ARHGAP24: variants seen among roughly 807,000 people sequenced by gnomAD.
The protein encoded by ARHGAP24 is rho GTPase-activating protein 24.
ARHGAP24 carries 50 observed loss-of-function variants against 76.4 expected under a neutral mutation model. That is an observed-to-expected ratio of 0.65 (90% CI 0.52 to 0.83). The LOEUF is 0.83. Ranked by LOEUF, ARHGAP24 falls within the 40% of genes least tolerant of loss-of-function variation. The probability of loss-of-function intolerance (pLI) is 0.00; values close to 1 mark genes in which losing one functional copy is unlikely to be tolerated. For missense variants in ARHGAP24, 930 were observed against 914.2 expected, an observed-to-expected ratio of 1.02 and a Z score of -0.22; for synonymous variants, 345 against 323.3, an observed-to-expected ratio of 1.07 and a Z score of -0.72.
chr4:85,823,453 G>A (rs745891), intron 3 of ARHGAP24, among the ~76,000 whole-genome samples: 15,916 of 152,116 alleles, frequency 0.1, 937 homozygotes, highest in South Asian at 0.19. Context: ...GCTTTTGAAG[G>A]CTTTTCCCTC....
intron 2 of ARHGAP24, among the ~76,000 whole-genome samples, chr4:85,666,730 G>A (rs1243038931): frequency 3.3e-5 from 5 of 152,162 alleles, no homozygotes; most frequent in Admixed American, 6.5e-5. Context: ...ACCCTCAGCT[G>A]CAGGTCTGTT....
chr4:85,521,657 A>C (rs1724760156), intron 1 of ARHGAP24, among the ~76,000 whole-genome samples: 1 of 152,120 alleles, frequency 6.6e-6, no homozygotes, highest in East Asian at 1.9e-4. Context: ...GCATCTCTAC[A>C]TACTGCTGAT....
rs560758073 is a variant in ARHGAP24, at chr4:85,672,954, T to C, written c.181-48931T>C. ...ACAATACATTGAATATATGCAACTC[T>C]TTCTCTGAGGGTGCTGGATTTCTTG... is the stretch of plus-strand genomic sequence containing the variant. On this transcript the variant is annotated intron_variant, in intron 2 of 9. Coordinates refer to ENST00000395184, the MANE Select transcript of ARHGAP24 (RefSeq NM_001025616.3). Among the ~76,000 whole-genome samples, 5 of 152,302 alleles carry C rather than the reference T, an allele frequency of 3.3e-5. No homozygotes were observed. The South Asian group carries it at 1.0e-3, about 32-fold the overall frequency.
At chr4:85,635,373 G>C (rs1361785134) in intron 2 of ARHGAP24, among the ~76,000 whole-genome samples, 1 of 151,762 alleles carries the variant, frequency 6.6e-6, no homozygotes, top group Admixed American at 6.6e-5. Flanking sequence ...CAAAGGTGTT[G>C]ATTGTTTTTT....
chr4:85,570,697 A>C lies in ARHGAP24; in HGVS notation c.156A>C (p.Lys52Asn). The C allele has an allele frequency of 6.2e-7, 1 of 1,614,102 alleles. No individual in the cohort carries two copies. Among genetic ancestry groups the C allele is most frequent in the Non-Finnish European group, 8.5e-7 (1 of 1,180,006 alleles). ...VLKGDQLYYF[K>N]DEDETKPLGT... The stretch of plus-strand genomic sequence containing the variant: ...AGGGGGATCAGCTCTATTATTTCAA[A>C]GATGAAGATGAAACCAAGCCCTTGG... The change falls in exon 2 of 10, where the codon AAA becomes AAC. Residue 52 changes from lysine (K) to asparagine (N), a missense_variant. Coordinates refer to ENST00000395184, the MANE Select transcript of ARHGAP24 (RefSeq NM_001025616.3).
chr4:85,545,898 G>C (rs6829628), intron 1 of ARHGAP24, among the ~76,000 whole-genome samples: 17,798 of 151,882 alleles, frequency 0.12, 2,912 homozygotes, highest in African/African-American at 0.37. Flanking sequence ...TGAATGTCTG[G>C]GGCTATTCTA....
intron 1 of ARHGAP24, among the ~76,000 whole-genome samples, chr4:85,486,175 A>C (rs1450127235): frequency 6.6e-6 from 1 of 152,190 alleles, no homozygotes; most frequent in African/African-American, 2.4e-5. Context: ...TAGTGTGACC[A>C]TTCCTTGACA....
At chr4:85,835,657 G>A (rs1234455139) in intron 3 of ARHGAP24, among the ~76,000 whole-genome samples, 2 of 151,942 alleles carry the variant, frequency 1.3e-5, no homozygotes, top group East Asian at 3.9e-4. Context: ...GATGTGAAGC[G>A]ATAGAATGTG....
intron 2 of ARHGAP24, among the ~76,000 whole-genome samples, chr4:85,631,678 T>G (rs2110013009): frequency 6.6e-6 from 1 of 152,260 alleles, no homozygotes; most frequent in Admixed American, 6.5e-5. Context: ...ATTACTCAAT[T>G]TACTTTTTCA....
chr4:85,622,325 C>A (rs1047053257), intron 2 of ARHGAP24, among the ~76,000 whole-genome samples: 4 of 145,784 alleles, frequency 2.7e-5, no homozygotes, highest in Non-Finnish European at 6.0e-5. Context: ...CAGTTCCCAC[C>A]TATGAGTGAG....
chr4:85,483,880 C>G (rs1010376129), intron 1 of ARHGAP24, among the ~76,000 whole-genome samples: 2 of 152,174 alleles, frequency 1.3e-5, no homozygotes, highest in African/African-American at 4.8e-5. Context: ...CAGCCACTGC[C>G]TTTAACAAGG....
rs567956666 is a variant in ARHGAP24 at position 85,811,548 on chromosome 4, T to C, written c.268+89576T>C. On this transcript the variant is annotated intron_variant, in intron 3 of 9. Coordinates refer to ENST00000395184, the MANE Select transcript of ARHGAP24 (RefSeq NM_001025616.3). ...TTCTATGACACAATTTCTAAGTAGG[T>C]TTCACCCTAAAGTTTTATTTTTTAT... Among the ~76,000 whole-genome samples, 4 of 152,320 alleles carry C rather than the reference T, an allele frequency of 2.6e-5. No individual in the cohort carries two copies. The South Asian group carries it at 8.3e-4, about 32-fold the overall frequency.
chr4:85,671,703 C>T (rs1291255920), intron 2 of ARHGAP24, among the ~76,000 whole-genome samples: 1 of 152,116 alleles, frequency 6.6e-6, no homozygotes, highest in Admixed American at 6.5e-5. Flanking sequence ...TGATTCAGAG[C>T]AGAGCTTTCT....
chr4:85,734,202 C>T (rs11937419), intron 3 of ARHGAP24, among the ~76,000 whole-genome samples: 60,861 of 151,982 alleles, frequency 0.4, 13,575 homozygotes, highest in East Asian at 0.91. Context: ...AGGGGAAGAA[C>T]AAATATTGTA....
intron 5 of ARHGAP24, among the ~76,000 whole-genome samples, chr4:85,956,635 C>T (rs1737916119): frequency 1.3e-5 from 2 of 152,154 alleles, no homozygotes; most frequent in South Asian, 2.1e-4. Flanking sequence ...GGAAGAGAAC[C>T]GTGGAACCCA....
At chr4:85,729,396 T>C (rs1469352111) in intron 3 of ARHGAP24, among the ~76,000 whole-genome samples, 2 of 152,186 alleles carry the variant, frequency 1.3e-5, no homozygotes, top group Non-Finnish European at 2.9e-5. Context: ...AATATACACT[T>C]GAAAGAAGCT....
At chr4:85,551,067 T>A (rs1359848162) in intron 1 of ARHGAP24, among the ~76,000 whole-genome samples, 2 of 152,256 alleles carry the variant, frequency 1.3e-5, no homozygotes, top group Non-Finnish European at 2.9e-5. Context: ...ATTACTATGT[T>A]GAATAGGAGT....
chr4:85,763,909 C>G (rs966537042), intron 3 of ARHGAP24, among the ~76,000 whole-genome samples: 1 of 152,082 alleles, frequency 6.6e-6, no homozygotes, highest in African/African-American at 2.4e-5. Flanking sequence ...CAGCAATAAA[C>G]AGAATTGATA....
chr4:85,796,576 C>G (rs796569241), intron 3 of ARHGAP24, among the ~76,000 whole-genome samples: 10 of 152,116 alleles, frequency 6.6e-5, no homozygotes, highest in African/African-American at 2.4e-4. Flanking sequence ...AGAGAGAAAC[C>G]GCATAGTAAT....
Sources: allele counts gnomAD v4.1 joint callset (sites outside exome capture counted in the v4.1 genomes callset), GRCh38; gene constraint gnomAD v4.1.1; transcripts MANE v1.5; gene names NCBI Gene and HGNC (gene_info 2026-07-23, HGNC 2026-07-21).